The following STPG2 variants were observed in gnomAD, a reference collection of about 807,000 sequenced individuals.
The protein encoded by STPG2 is sperm tail PG-rich repeat containing 2.
In STPG2, 56 loss-of-function variants were observed where a neutral mutation model predicts 54.2. That is an observed-to-expected ratio of 1.03 (90% CI 0.83 to 1.29). The LOEUF is 1.29. Ranked by LOEUF, STPG2 falls within the 50% of genes most tolerant of loss-of-function variation. STPG2 has a pLI of 0.00. For missense variants in STPG2, 596 were observed against 544.9 expected, an observed-to-expected ratio of 1.09 and a Z score of -0.93; for synonymous variants, 200 against 181.8, an observed-to-expected ratio of 1.10 and a Z score of -0.81.
intron 1 of STPG2, among the ~76,000 whole-genome samples, chr4:98,140,962 C>A (rs17027283): frequency 0.045 from 6,780 of 152,094 alleles, 488 homozygotes; most frequent in African/African-American, 0.16. Context: ...ATATGGATAG[C>A]AAATGAGAAA....
chr4:97,927,870 T>C (rs1016020127), intron 8 of STPG2, among the ~76,000 whole-genome samples: 2 of 152,152 alleles, frequency 1.3e-5, no homozygotes, highest in African/African-American at 4.8e-5. Context: ...ATATAAGCAT[T>C]AGCTCTTATT....
chr4:97,444,735 A>C (rs1467104831), intron 4 of STPG2, among the ~76,000 whole-genome samples: 1 of 152,142 alleles, frequency 6.6e-6, no homozygotes, highest in Non-Finnish European at 1.5e-5. Flanking sequence ...TCAAAATAAA[A>C]ATAACTTAAG....
intron 10 of STPG2, among the ~76,000 whole-genome samples, chr4:97,712,329 C>T (rs947786003): frequency 1.3e-5 from 2 of 151,958 alleles, no homozygotes; most frequent in African/African-American, 4.8e-5. Context: ...TTATTTGATC[C>T]ACAGGGCTTT....
chr4:98,029,285 T>G (rs892461860), intron 5 of STPG2, among the ~76,000 whole-genome samples: 4 of 152,256 alleles, frequency 2.6e-5, no homozygotes, highest in African/African-American at 9.6e-5. Flanking sequence ...AGTAGTGAAA[T>G]AGCTACCCAT....
At chr4:97,893,050 A>C (rs1252309089) in intron 8 of STPG2, 1 of 152,074 alleles carries the variant, frequency 6.6e-6, no homozygotes, top group African/African-American at 2.4e-5. Flanking sequence ...CCACAACCTT[A>C]CCCTTCTCCT....
chr4:97,784,661 G>T (rs1726766856), intron 9 of STPG2, among the ~76,000 whole-genome samples: 2 of 151,838 alleles, frequency 1.3e-5, no homozygotes, highest in Admixed American at 6.6e-5. Flanking sequence ...GGGATATTTT[G>T]CCCTATTATT....
intron 4 of STPG2, among the ~76,000 whole-genome samples, chr4:97,514,521 A>G (rs556597538): frequency 6.6e-5 from 10 of 152,202 alleles, no homozygotes; most frequent in African/African-American, 1.9e-4. Flanking sequence ...AGAAAAAGTA[A>G]ATTGCATTTT....
At chr4:97,872,997 C>T (rs956004300) in intron 8 of STPG2, among the ~76,000 whole-genome samples, 2 of 151,292 alleles carry the variant, frequency 1.3e-5, no homozygotes, top group African/African-American at 4.8e-5. Context: ...TTTCAGAACT[C>T]CAAGTCTAAG....
At chr4:97,789,221 T>A (rs1726918332) in intron 9 of STPG2, among the ~76,000 whole-genome samples, 2 of 151,972 alleles carry the variant, frequency 1.3e-5, no homozygotes, top group African/African-American at 4.8e-5. Flanking sequence ...AAAAAAGAGG[T>A]ATACCTAGCT....
At chr4:97,988,753 GC>G (rs1416407645) in intron 5 of STPG2, among the ~76,000 whole-genome samples, 1 of 152,124 alleles carries the variant, frequency 6.6e-6, no homozygotes, top group African/African-American at 2.4e-5. Flanking sequence ...CCACAGGCAT[GC>G]GCCACCAGGC....
intron 5 of STPG2, among the ~76,000 whole-genome samples, chr4:98,062,899 A>T (rs1024308219): frequency 2.6e-5 from 4 of 151,948 alleles, no homozygotes; most frequent in Non-Finnish European, 5.9e-5. Context: ...TATAGTTATT[A>T]TCTTCTTTTT....
At chr4:97,823,468 G>A (rs1177455457) in intron 9 of STPG2, among the ~76,000 whole-genome samples, 1 of 152,192 alleles carries the variant, frequency 6.6e-6, no homozygotes, top group Non-Finnish European at 1.5e-5. Flanking sequence ...CTGCTGTTGA[G>A]ACCTAGTACT....
In STPG2 at chr4:97,903,733, T is replaced by C. The variant is rs1731271760; in HGVS notation, c.1044+40164A>G. ...GTGCCAGACAGTGGGCGCAGGTCAG[T>C]GGGTGCGCAAACTGTGCAGGAGCCG... On this transcript the variant is annotated intron_variant, in intron 8 of 10. Transcript: ENST00000295268. Among the ~76,000 whole-genome samples the C allele has an allele frequency of 2.0e-5, 3 of 152,136 alleles. No individual in the cohort carries two copies. The South Asian group carries it at 6.2e-4, about 31-fold the overall frequency.
intron 7 of STPG2, among the ~76,000 whole-genome samples, chr4:97,961,170 T>C (rs1233799842): frequency 6.6e-6 from 1 of 151,300 alleles, no homozygotes; most frequent in Non-Finnish European, 1.5e-5. Flanking sequence ...AACTGAATCC[T>C]CATTTCTCAC....
At chr4:98,125,147 T>C (rs1444513163) in intron 3 of STPG2, among the ~76,000 whole-genome samples, 2 of 152,208 alleles carry the variant, frequency 1.3e-5, no homozygotes, top group Non-Finnish European at 2.9e-5. Flanking sequence ...AAGTTCATTA[T>C]TGCCCACCTT....
At chr4:97,918,663 C>G (rs6839203) in intron 8 of STPG2, among the ~76,000 whole-genome samples, 56,715 of 151,930 alleles carry the variant, frequency 0.37, 10,667 homozygotes, top group Middle Eastern at 0.46. Flanking sequence ...ATGGCATTCA[C>G]AGCAGCCTGG....
At chr4:97,932,899 G>A (rs2149220319) in intron 8 of STPG2, among the ~76,000 whole-genome samples, 1 of 152,228 alleles carries the variant, frequency 6.6e-6, no homozygotes, top group African/African-American at 2.4e-5. Flanking sequence ...GGGATTGCTG[G>A]ATCAATTGGT....
chr4:98,060,691 C>T (rs945163543), intron 5 of STPG2, among the ~76,000 whole-genome samples: 17 of 152,132 alleles, frequency 1.1e-4, no homozygotes, highest in African/African-American at 4.1e-4. Flanking sequence ...GTAACCAAAA[C>T]AGCATGGCAC....
intron 5 of STPG2, among the ~76,000 whole-genome samples, chr4:97,993,520 A>G (rs900691938): frequency 1.3e-5 from 2 of 150,624 alleles, no homozygotes; most frequent in Non-Finnish European, 2.9e-5. Context: ...TTCATCAGGG[A>G]TATTGGTCTT....
Sources: allele counts gnomAD v4.1 joint callset (sites outside exome capture counted in the v4.1 genomes callset), GRCh38; gene constraint gnomAD v4.1.1; transcripts MANE v1.5; gene names NCBI Gene and HGNC (gene_info 2026-07-23, HGNC 2026-07-21).